The following NEMP1 variants were observed in gnomAD, a reference collection of about 807,000 sequenced individuals.
NEMP1 encodes the protein transmembrane protein 194.
In NEMP1, 29 loss-of-function variants were observed where a neutral mutation model predicts 53.7. The observed-to-expected ratio is 0.54, with a 90% CI of 0.40 to 0.74. The LOEUF (loss-of-function observed/expected upper bound fraction) is 0.74, where lower values mean the gene tolerates loss of function less well. NEMP1 is among the 30% of genes least tolerant of loss of function. The pLI is 0.00. For synonymous variants in NEMP1, 193 were observed against 192.9 expected, an observed-to-expected ratio of 1.00 and a Z score of 0.00; for missense variants, 477 against 528.6, an observed-to-expected ratio of 0.90 and a Z score of 0.96.
chr12:57,075,896 AG>A (rs895058644), intron 1 of NEMP1, among the ~76,000 whole-genome samples: 5 of 150,754 alleles, frequency 3.3e-5, no homozygotes, highest in African/African-American at 1.2e-4. Flanking sequence ...TGAGGTCAGG[AG>A]TTTGAGACCA....
intron 4 of NEMP1, among the ~76,000 whole-genome samples, chr12:57,067,963 G>A (rs1298653266): frequency 6.6e-6 from 1 of 151,756 alleles, no homozygotes; most frequent in Non-Finnish European, 1.5e-5. Flanking sequence ...TAGAGGCAGG[G>A]TCTCACTATG....
upstream of NEMP1, among the ~76,000 whole-genome samples, chr12:57,080,167 T>C (rs1010144189): frequency 6.6e-6 from 1 of 152,228 alleles, no homozygotes; most frequent in Non-Finnish European, 1.5e-5. Context: ...TATCTTGCTA[T>C]GTTGCCCAGG....
At chr12:57,083,538 G>A (rs1353741204), upstream of NEMP1, among the ~76,000 whole-genome samples, 1 of 152,188 alleles carries the variant, frequency 6.6e-6, no homozygotes, top group Non-Finnish European at 1.5e-5. Flanking sequence ...TTGGATTTTT[G>A]AAAGATAGTA....
chr12:57,082,097 A>T (rs1476575182), upstream of NEMP1, among the ~76,000 whole-genome samples: 1 of 143,058 alleles, frequency 7.0e-6, no homozygotes, highest in Non-Finnish European at 1.5e-5. Flanking sequence ...GCACCTGTAA[A>T]CCCAGCTACT....
chr12:57,067,194 G>T (rs1348993026), intron 4 of NEMP1, among the ~76,000 whole-genome samples: 1 of 152,004 alleles, frequency 6.6e-6, no homozygotes. Flanking sequence ...CGTGGTGGCA[G>T]GTGCCTGTAG....
chr12:57,065,141 T>A (rs1268197311), intron 4 of NEMP1, among the ~76,000 whole-genome samples: 2 of 152,256 alleles, frequency 1.3e-5, no homozygotes, highest in Non-Finnish European at 2.9e-5. Flanking sequence ...GGCTGTTGAC[T>A]GATGAAGGCA....
chr12:57,085,652 A>G (rs1053340969), intron 1 of NEMP1, among the ~76,000 whole-genome samples: 3 of 152,350 alleles, frequency 2.0e-5, no homozygotes, highest in African/African-American at 7.2e-5. Flanking sequence ...TGAAAGAGAA[A>G]AAAGGGATCA....
chr12:57,072,678 TAAC>T (rs1330301543), intron 2 of NEMP1, 107 bp downstream of exon 2: 6 of 1,232,806 alleles, frequency 4.9e-6, no homozygotes, highest in Admixed American at 2.5e-5. Context: ...ACAAGATTGT[TAAC>T]AACATTTTTT....
rs2136478020 is a variant in NEMP1, at chr12:57,059,424, A to G, written c.*455T>C. 6.5e-6 allele frequency: 1 copy of G among 153,290 alleles called. No individual in the cohort carries two copies. Among genetic ancestry groups the G allele is most frequent in the Admixed American group, 6.5e-5 (1 of 15,338 alleles). 9.5% of individuals were successfully genotyped at this position (153,290 alleles called of 1,614,324 possible). On this transcript the variant is annotated 3_prime_UTR_variant, in exon 9 of 9. Transcript: ENST00000300128. ...CAATAATTATTCTAAAGTCACTGAA[A>G]TAAAAGCTGGAGTGAAGGAGGCTCA...
chr12:57,069,795 G>A (rs923581046), intron 3 of NEMP1, among the ~76,000 whole-genome samples: 9 of 150,158 alleles, frequency 6.0e-5, no homozygotes, highest in African/African-American at 2.2e-4. Context: ...AAGCCTACAC[G>A]CAAATACCTC....
chr12:57,064,200 A>G lies in NEMP1; in HGVS notation c.640-15T>C. On this transcript the variant is annotated splice_polypyrimidine_tract_variant and intron_variant, in intron 5 of 8. Transcript: ENST00000300128. ...ATGGGACTTTTCTAAGACAGAGAGT[A>G]GAAGTGAAAGCAAAAAGTTACAACA... 1.3e-6 allele frequency: 2 copies of G among 1,521,040 alleles called. No homozygotes were observed. Among genetic ancestry groups the G allele is most frequent in the Non-Finnish European group, 1.8e-6 (2 of 1,118,546 alleles). 94.2% of individuals were successfully genotyped at this position (1,521,040 alleles called of 1,614,324 possible). A position where few individuals can be genotyped will look rare whatever the true frequency, so the allele number is the denominator to read the frequency against.
At chr12:57,078,094 G>A (rs1301489076) in intron 1 of NEMP1, among the ~76,000 whole-genome samples, 1 of 152,074 alleles carries the variant, frequency 6.6e-6, no homozygotes, top group Non-Finnish European at 1.5e-5. Context: ...GGCCGGGGGC[G>A]GTAAGGAATC....
In NEMP1 at chr12:57,064,743, C is replaced by T; in HGVS notation, c.546-4G>A. The stretch of plus-strand genomic sequence containing the variant: ...AGAGTAGTAGAAAATTTGACTTCTG[C>T]AGGAAAAAAATGTATTTCATGACCA... On this transcript the variant is annotated splice_polypyrimidine_tract_variant and splice_region_variant and intron_variant, in intron 4 of 8. Transcript: ENST00000300128. 2 of 1,606,396 alleles carry T rather than the reference C, an allele frequency of 1.2e-6. No individual in the cohort carries two copies. Among genetic ancestry groups the T allele is most frequent in the Non-Finnish European group, 1.7e-6 (2 of 1,175,882 alleles).
At chr12:57,087,342 T>C (rs1166024993) in intron 1 of NEMP1, among the ~76,000 whole-genome samples, 1 of 146,544 alleles carries the variant, frequency 6.8e-6, no homozygotes, top group East Asian at 2.0e-4. Flanking sequence ...AGAGGCTGCG[T>C]GGGCGGAGGA....
chr12:57,087,189 C>T (rs927059855), intron 1 of NEMP1, among the ~76,000 whole-genome samples: 5 of 152,170 alleles, frequency 3.3e-5, no homozygotes, highest in South Asian at 2.1e-4. Context: ...GACCGGGACC[C>T]GGGCGCCCCG....
At chr12:57,085,071 C>T (rs1286055356) in intron 1 of NEMP1, among the ~76,000 whole-genome samples, 3 of 152,174 alleles carry the variant, frequency 2.0e-5, no homozygotes, top group Non-Finnish European at 2.9e-5. Flanking sequence ...TAATGAACAA[C>T]CTTTTATAGT....
chr12:57,058,520 T>C lies in NEMP1; in HGVS notation c.*1359A>G, dbSNP rs2031639246. On this transcript the variant is annotated 3_prime_UTR_variant, in exon 9 of 9. Transcript: ENST00000300128. ...ACTTGAGAATTTGCTTCCTCACAGA[T>C]GACATTGCTGGTTTATAAGGGGTAC... The C allele has an allele frequency of 1.3e-5, 2 of 152,224 alleles. No homozygotes were observed. The highest frequency in any genetic ancestry group is 2.9e-5 in the Non-Finnish European group (2 of 68,046). 9.4% of individuals were successfully genotyped at this position (152,224 alleles called of 1,614,324 possible). A position where few individuals can be genotyped will look rare whatever the true frequency, so the allele number is the denominator to read the frequency against.
intron 1 of NEMP1, among the ~76,000 whole-genome samples, chr12:57,086,204 G>A (rs1306044926): frequency 1.3e-5 from 2 of 152,180 alleles, no homozygotes; most frequent in Admixed American, 6.5e-5. Context: ...TGCGCGTAGG[G>A]ACGACAGTCT....
rs1018833222 is a variant in NEMP1, at chr12:57,061,090, A to G, written c.981-145T>C. Reference sequence around the variant, plus strand: ...TCCTAAAAATTCCATGGACATCTTTAGTTATAATGAACTCCTGATACATTA... The same window carrying G: ...TCCTAAAAATTCCATGGACATCTTTGGTTATAATGAACTCCTGATACATTA... On this transcript the variant is annotated intron_variant, in intron 7 of 8. Coordinates refer to ENST00000300128, the MANE Select transcript of NEMP1 (RefSeq NM_001130963.2). 4 of 747,038 alleles carry G rather than the reference A, an allele frequency of 5.4e-6. No individual in the cohort carries two copies. The Admixed American group carries it at 1.3e-4, about 24-fold the overall frequency. The allele number at this position is 747,038 out of a possible 1,614,324, so 46.3% of individuals were successfully genotyped here. A position where few individuals can be genotyped will look rare whatever the true frequency, so the allele number is the denominator to read the frequency against.
Sources: gnomAD v4.1 joint callset for allele counts (sites outside exome capture counted in the v4.1 genomes callset) on GRCh38, gnomAD v4.1.1 for gene constraint, MANE v1.5 for transcripts, NCBI Gene and HGNC (gene_info 2026-07-23, HGNC 2026-07-21) for gene names.